CPNE8: variants seen among roughly 807,000 people sequenced by gnomAD.
CPNE8 encodes copine-8.
CPNE8 carries 45 observed loss-of-function variants against 81.5 expected under a neutral mutation model. That is an observed-to-expected ratio of 0.55 (90% CI 0.44 to 0.71). CPNE8 has a LOEUF of 0.71. Among genes scored for constraint, CPNE8 ranks in the 30% least tolerant of loss-of-function variants. The pLI, the probability that CPNE8 is intolerant of heterozygous loss-of-function variation, is 0.00. For synonymous variants in CPNE8, 252 were observed against 226.3 expected (o/e 1.11, Z -1.02); for missense variants, 594 against 672.1 (o/e 0.88, Z 1.28).
At chr12:38,782,307 T>A (rs1056479302) in intron 6 of CPNE8, among the ~76,000 whole-genome samples, 1 of 152,146 alleles carries the variant, frequency 6.6e-6, no homozygotes, top group Non-Finnish European at 1.5e-5. Context: ...AAACAACTAA[T>A]CTCAATTATG....
intron 18 of CPNE8, among the ~76,000 whole-genome samples, chr12:38,674,853 A>G (rs1363305968): frequency 1.3e-5 from 2 of 152,210 alleles, no homozygotes; most frequent in African/African-American, 2.4e-5. Flanking sequence ...CTATGTGCTT[A>G]AGTTAACCAG....
chr12:38,708,685 G>A (rs1418423761), intron 13 of CPNE8, among the ~76,000 whole-genome samples: 2 of 152,050 alleles, frequency 1.3e-5, no homozygotes, highest in Non-Finnish European at 1.5e-5. Flanking sequence ...CTTTCCAAAA[G>A]CTGTGAATGA....
At chr12:38,685,453 T>G in intron 16 of CPNE8, 37 bp downstream of exon 16, 1 of 1,602,784 alleles carries the variant, frequency 6.2e-7, no homozygotes, top group Non-Finnish European at 8.5e-7. Flanking sequence ...CATGTTCCAG[T>G]ACATCAGAAT....
Position 38,835,039 on chromosome 12 carries a change from A to G in CPNE8, c.330+4877T>C, listed in dbSNP as rs554170168. Among the ~76,000 whole-genome samples the G allele has an allele frequency of 2.7e-4, 41 of 152,184 alleles. No homozygotes were observed. In the South Asian group the frequency reaches 5.6e-3, roughly 21 times the overall value. The stretch of plus-strand genomic sequence containing the variant: ...GTAGCTGGGATTGCAGGCATGTGCC[A>G]CCATGCCCATCTAATTTTTGTATTT... On this transcript the variant is annotated intron_variant, in intron 5 of 19. Coordinates refer to ENST00000331366, the MANE Select transcript of CPNE8 (RefSeq NM_153634.3).
chr12:38,888,726 A>G (rs552215105), intron 1 of CPNE8, among the ~76,000 whole-genome samples: 1 of 152,300 alleles, frequency 6.6e-6, no homozygotes, highest in South Asian at 2.1e-4. Context: ...TGGAAACAAA[A>G]TCTCAGTAGC....
chr12:38,781,387 G>A (rs1315240742), intron 6 of CPNE8, among the ~76,000 whole-genome samples: 1 of 151,798 alleles, frequency 6.6e-6, no homozygotes, highest in Non-Finnish European at 1.5e-5. Context: ...ATTCAGCCAT[G>A]AACTATTTAA....
chr12:38,761,971 G>A (rs770598142), intron 9 of CPNE8, 141 bp downstream of exon 9: 120 of 459,302 alleles, frequency 2.6e-4, no homozygotes, highest in Admixed American at 1.8e-3. Context: ...AATATGCAAC[G>A]TATTTTAGCA....
chr12:38,715,825 T>A (rs1489191853), intron 13 of CPNE8, among the ~76,000 whole-genome samples: 1 of 152,012 alleles, frequency 6.6e-6, no homozygotes, highest in African/African-American at 2.4e-5. Context: ...ATAAAGTGCA[T>A]CTAAATTGGA....
At chr12:38,871,490 T>A (rs981705051) in intron 3 of CPNE8, among the ~76,000 whole-genome samples, 4 of 152,278 alleles carry the variant, frequency 2.6e-5, no homozygotes, top group Admixed American at 2.6e-4. Context: ...CAAGACAGCA[T>A]GTCTTTCAGG....
chr12:38,671,859 CAGAG>C (rs1276497137), intron 18 of CPNE8, among the ~76,000 whole-genome samples: 2 of 152,020 alleles, frequency 1.3e-5, no homozygotes, highest in African/African-American at 4.8e-5. Flanking sequence ...ACATAATTAA[CAGAG>C]AGCTACTGTT....
At chr12:38,704,019 T>G (rs910213766) in intron 13 of CPNE8, among the ~76,000 whole-genome samples, 1 of 152,142 alleles carries the variant, frequency 6.6e-6, no homozygotes, top group South Asian at 2.1e-4. Context: ...AAACACCACG[T>G]ATTCTTCCTT....
chr12:38,767,867 C>G lies in CPNE8; in HGVS notation c.472-129G>C, dbSNP rs143209192. ...TGCAAATGGCCAAGTTTGGGAGAAT[C>G]CCAGACAACATAAAATTGCTTTTTA... On this transcript the variant is annotated intron_variant, in intron 7 of 19. Coordinates refer to ENST00000331366, the MANE Select transcript of CPNE8 (RefSeq NM_153634.3). 922 of 513,276 alleles carry G rather than the reference C, an allele frequency of 1.8e-3. 5 individuals carry two copies. The highest frequency in any genetic ancestry group is 0.016 in the African/African-American group (820 of 50,296). The allele number at this position is 513,276 out of a possible 1,614,324, so 31.8% of individuals were successfully genotyped here.
chr12:38,851,414 CA>C (rs1943644680), intron 3 of CPNE8, among the ~76,000 whole-genome samples: 1 of 152,188 alleles, frequency 6.6e-6, no homozygotes, highest in Non-Finnish European at 1.5e-5. Context: ...TACTTCTTGT[CA>C]ATAAATGTTA....
intron 3 of CPNE8, among the ~76,000 whole-genome samples, chr12:38,861,074 C>T (rs1246691990): frequency 3.9e-5 from 6 of 152,088 alleles, no homozygotes; most frequent in African/African-American, 1.4e-4. Flanking sequence ...GGTAATCCTG[C>T]TATATGCAGC....
At chr12:38,674,369 T>C (rs1266388530) in intron 18 of CPNE8, among the ~76,000 whole-genome samples, 1 of 152,158 alleles carries the variant, frequency 6.6e-6, no homozygotes, top group Non-Finnish European at 1.5e-5. Context: ...ACCTGAGATA[T>C]ACCCATGAAA....
chr12:38,751,842 C>T (rs1161056211), intron 10 of CPNE8, among the ~76,000 whole-genome samples: 1 of 152,152 alleles, frequency 6.6e-6, no homozygotes, highest in East Asian at 1.9e-4. Context: ...TATAACATCA[C>T]TTTTTACCAT....
chr12:38,725,564 A>T (rs983450602), intron 11 of CPNE8, among the ~76,000 whole-genome samples: 1 of 152,242 alleles, frequency 6.6e-6, no homozygotes, highest in African/African-American at 2.4e-5. Flanking sequence ...ACTTCTTCAG[A>T]TCATCTCAAT....
At chr12:38,752,745 C>A (rs1941378246) in intron 10 of CPNE8, among the ~76,000 whole-genome samples, 2 of 152,104 alleles carry the variant, frequency 1.3e-5, no homozygotes, top group East Asian at 1.9e-4. Context: ...TCTAATATCA[C>A]CTTATACCAG....
chr12:38,879,541 A>G (rs1944120205), intron 1 of CPNE8, among the ~76,000 whole-genome samples: 1 of 152,196 alleles, frequency 6.6e-6, no homozygotes, highest in Non-Finnish European at 1.5e-5. Flanking sequence ...CTTCATATGT[A>G]TAATGAGCAA....
Sources: gnomAD v4.1 joint callset for allele counts (sites outside exome capture counted in the v4.1 genomes callset) on GRCh38, gnomAD v4.1.1 for gene constraint, MANE v1.5 for transcripts, NCBI Gene and HGNC (gene_info 2026-07-23, HGNC 2026-07-21) for gene names.